The following SH2B3 variants were observed in gnomAD, a reference collection of about 807,000 sequenced individuals.
The protein encoded by SH2B3 is SH2B adaptor protein 3.
In SH2B3, 43 loss-of-function variants were observed where a neutral mutation model predicts 51.9. The ratio of observed to expected loss-of-function variants is 0.83; its 90% confidence interval spans 0.65 to 1.07. The LOEUF is 1.07. SH2B3 is among the 50% of genes least tolerant of loss of function. The probability of loss-of-function intolerance (pLI) is 0.00; values close to 1 mark genes in which losing one functional copy is unlikely to be tolerated. For synonymous variants in SH2B3, 396 were observed against 376.0 expected (o/e 1.05, Z -0.62); for missense variants, 952 against 834.3 (o/e 1.14, Z -1.74).
chr12:111,418,796 G>C lies in SH2B3; in HGVS notation c.651G>C (p.Trp217Cys). ...CCTCCATGGACAGCGGGGCACGCTG[G>C]CAGCGCGGGAGGCTGGCGCTGCGCC... ...DEASMDSGAR[W>C]QRGRLALRRA... is the part of the protein sequence containing the mutation. Residue 217 changes from tryptophan to cysteine, a missense_variant, in exon 2 of 8, where the codon TGG (tryptophan) becomes TGC (cysteine). Physicochemically the swap from Trp to Cys is radical, Grantham distance 215. Coordinates refer to ENST00000341259, the MANE Select transcript of SH2B3 (RefSeq NM_005475.3). This position sits in a 1 kb window ranked among gnomAD's most constrained non-coding sequence, Gnocchi z 6.7. 1 of 1,453,740 alleles carries C rather than the reference G, an allele frequency of 6.9e-7. No individual in the cohort carries two copies. Among genetic ancestry groups the C allele is most frequent in the Non-Finnish European group, 9.0e-7 (1 of 1,113,572 alleles). The allele number at this position is 1,453,740 out of a possible 1,614,324, so 90.1% of individuals were successfully genotyped here.
intron 2 of SH2B3, among the ~76,000 whole-genome samples, chr12:111,433,193 A>C (rs1872616105): frequency 6.6e-6 from 1 of 152,158 alleles, no homozygotes; most frequent in Admixed American, 6.6e-5. Flanking sequence ...CTCTACTAAA[A>C]ATCAAAAATT....
upstream of SH2B3, among the ~76,000 whole-genome samples, chr12:111,405,195 C>T (rs1229656719): frequency 3.9e-5 from 6 of 152,164 alleles, no homozygotes; most frequent in Admixed American, 3.9e-4. The surrounding 1 kb of genome is among the most constrained non-coding windows in gnomAD (Gnocchi z 5.4). Flanking sequence ...AGAGGGCTTC[C>T]TGGAGAAAGA....
At position 111,418,046 on chromosome 12, in the gene SH2B3, G is replaced by C. The variant is rs1871208232; in HGVS notation, c.-27-73G>C. On this transcript the variant is annotated intron_variant, in intron 1 of 7. Transcript: ENST00000341259. The surrounding 1 kb of genome is among the most constrained non-coding windows in gnomAD (Gnocchi z 6.7). The stretch of plus-strand genomic sequence containing the variant: ...CGTTGGATTTCTGCTGTGGTGCCCG[G>C]TGTGTAATGGGGCCTACACCTGCTT... 8.8e-7 allele frequency: 1 copy of C among 1,134,136 alleles called. No individual in the cohort carries two copies. Among genetic ancestry groups the C allele is most frequent in the Non-Finnish European group, 1.2e-6 (1 of 827,686 alleles). The allele number at this position is 1,134,136 out of a possible 1,614,324, so 70.3% of individuals were successfully genotyped here. A position where few individuals can be genotyped will look rare whatever the true frequency, so the allele number is the denominator to read the frequency against.
At chr12:111,439,705 G>A (rs1441724299) in intron 2 of SH2B3, among the ~76,000 whole-genome samples, 4 of 152,222 alleles carry the variant, frequency 2.6e-5, no homozygotes, top group Admixed American at 2.6e-4. Flanking sequence ...GGGGAGTTTT[G>A]AGCAGAGGAG....
intron 2 of SH2B3, among the ~76,000 whole-genome samples, chr12:111,421,965 C>T (rs1871597467): frequency 6.6e-6 from 1 of 152,242 alleles, no homozygotes; most frequent in Non-Finnish European, 1.5e-5. Flanking sequence ...AGAGAAATTG[C>T]CAGACTTTTC....
At chr12:111,415,592 AT>A (rs1871020805) in intron 1 of SH2B3, among the ~76,000 whole-genome samples, 1 of 127,362 alleles carries the variant, frequency 7.9e-6, no homozygotes, top group Non-Finnish European at 1.7e-5. Flanking sequence ...TTTTATATTT[AT>A]TTTTGTTTTT....
In SH2B3 at chr12:111,447,191, A is replaced by C; in HGVS notation, c.993A>C (p.Pro331=). The change falls in exon 5 of 8, where the codon CCA becomes CCC. Residue 331 remains proline, a synonymous_variant. Coordinates refer to ENST00000341259, the MANE Select transcript of SH2B3 (RefSeq NM_005475.3). ...SALEPSTSSS[P]RGSTDSLNQG... ...TAGAGCCTAGCACGTCCAGCTCCCC[A>C]AGGGGCAGCACAGATTCCCTTAACC... 6.2e-7 allele frequency: 1 copy of C among 1,613,614 alleles called. No homozygotes were observed. Among genetic ancestry groups the C allele is most frequent in the Non-Finnish European group, 8.5e-7 (1 of 1,179,510 alleles).
intron 2 of SH2B3, among the ~76,000 whole-genome samples, chr12:111,446,331 G>A (rs1397839817): frequency 3.9e-5 from 6 of 152,246 alleles, no homozygotes; most frequent in Non-Finnish European, 5.9e-5. Flanking sequence ...CCAAGATTTT[G>A]TGGTTTTACA....
chr12:111,432,883 A>C, intron 2 of SH2B3, among the ~76,000 whole-genome samples: 1 of 152,206 alleles, frequency 6.6e-6, no homozygotes, highest in East Asian at 1.9e-4. Flanking sequence ...TGGACTTGCC[A>C]CATTTTGCTT....
intron 2 of SH2B3, among the ~76,000 whole-genome samples, chr12:111,422,758 C>T (rs181091216): frequency 7.9e-5 from 12 of 152,018 alleles, no homozygotes; most frequent in Admixed American, 5.9e-4. Context: ...GATGGGTTTT[C>T]GCCATGTTGG....
Position 111,447,346 on chromosome 12 carries a change from G to A in SH2B3, c.1038G>A (p.Gly346=). Residue 346 remains glycine (G), a synonymous_variant, in exon 6 of 8, where the codon GGG becomes GGA. Transcript: ENST00000341259. ...ATCTAACAGGTGCTTCTCCTGGGGG[G>A]CTGCTGGACCCGGCCTGCCAGAAGA... is the stretch of plus-strand genomic sequence containing the variant. ...DSLNQGASPG[G]LLDPACQKTD... is the part of the protein sequence containing the mutation. 3 of 1,613,822 alleles carry A rather than the reference G, an allele frequency of 1.9e-6. No individual in the cohort carries two copies. The highest frequency in any genetic ancestry group is 2.2e-5 in the East Asian group (1 of 44,882).
intron 2 of SH2B3, among the ~76,000 whole-genome samples, chr12:111,421,401 C>CTTTTT (rs550860498): frequency 1.1e-5 from 1 of 90,640 alleles, no homozygotes; most frequent in African/African-American, 5.3e-5. Flanking sequence ...TAGTGTCTTC[C>CTTTTT]TTTTTTTTTT....
At chr12:111,437,830 G>T (rs1397785872) in intron 2 of SH2B3, among the ~76,000 whole-genome samples, 1 of 152,134 alleles carries the variant, frequency 6.6e-6, no homozygotes, top group African/African-American at 2.4e-5. Flanking sequence ...GAGAGCTTGG[G>T]GGTCCCAGGT....
intron 2 of SH2B3, among the ~76,000 whole-genome samples, chr12:111,441,360 T>TAAAA (rs35496164): frequency 2.2e-5 from 3 of 136,810 alleles, no homozygotes; most frequent in African/African-American, 2.7e-5. Flanking sequence ...CCCTATCTCT[T>TAAAA]AAAAAAAAAA....
chr12:111,429,115 C>T lies in SH2B3; in HGVS notation c.732+10238C>T, dbSNP rs374108864. Among the ~76,000 whole-genome samples, 10 of 152,170 alleles carry T rather than the reference C, an allele frequency of 6.6e-5. No individual in the cohort carries two copies. The East Asian group carries it at 1.5e-3, about 24-fold the overall frequency. On this transcript the variant is annotated intron_variant, in intron 2 of 7. Transcript: ENST00000341259. The surrounding 1 kb of genome is among the most constrained non-coding windows in gnomAD (Gnocchi z 4.4). ...GGGCTCTGACAGGCGCGGCCCTGGC[C>T]TGCCCCTGCCCTTCTGAGCCTGTGA... is the stretch of plus-strand genomic sequence containing the variant.
In SH2B3 at chr12:111,448,487, T is replaced by C. The variant is rs1024671375; in HGVS notation, c.*185T>C. 1 of 595,010 alleles carries C rather than the reference T, an allele frequency of 1.7e-6. No homozygotes were observed. Among genetic ancestry groups the C allele is most frequent in the African/African-American group, 1.9e-5 (1 of 53,878 alleles). 36.9% of individuals were successfully genotyped at this position (595,010 alleles called of 1,614,324 possible). On this transcript the variant is annotated 3_prime_UTR_variant, in exon 8 of 8. Transcript: ENST00000341259. ...TTGAAGGGCCCTCCTGTAGGTTTCA[T>C]CTATCCACCTGGCTTTCTCCTTATT...
chr12:111,444,362 A>G (rs1165086811), intron 2 of SH2B3, among the ~76,000 whole-genome samples: 1 of 152,212 alleles, frequency 6.6e-6, no homozygotes, highest in African/African-American at 2.4e-5. Context: ...AAAGAAATAG[A>G]TTATTCCCAC....
rs754835491 is a variant in SH2B3 at position 111,448,229 on chromosome 12, A to G, written c.1655A>G (p.Asp552Gly). ...CATGAGCCTGTGAATCGAGCCCGGG[A>G]CTCGGACTACGAAATGGACTCATCC... Reference protein sequence around the residue: ...LEHEPVNRARDSDYEMDSSSR... With the variant: ...LEHEPVNRARGSDYEMDSSSR... Residue 552 changes from aspartate to glycine, a missense_variant, in exon 8 of 8, where the codon GAC (aspartate) becomes GGC (glycine). Coordinates refer to ENST00000341259, the MANE Select transcript of SH2B3 (RefSeq NM_005475.3). 4 of 1,614,044 alleles carry G rather than the reference A, an allele frequency of 2.5e-6. No individual in the cohort carries two copies. Among genetic ancestry groups the G allele is most frequent in the Non-Finnish European group, 3.4e-6 (4 of 1,180,008 alleles).
Position 111,411,542 on chromosome 12 carries a change from G to A in SH2B3, c.-28+5265G>A, listed in dbSNP as rs566303082. Among the ~76,000 whole-genome samples, 46 of 152,260 alleles carry A rather than the reference G, an allele frequency of 3.0e-4. 1 individual carries two copies. Among genetic ancestry groups the A allele is most frequent in the Admixed American group, 2.4e-3 (36 of 15,284 alleles). On this transcript the variant is annotated intron_variant, in intron 1 of 7. Coordinates refer to ENST00000341259, the MANE Select transcript of SH2B3 (RefSeq NM_005475.3). ...CTGATCTCAGCGGGGCATGGATTAA[G>A]GGGACCCCACAGCTCAGCCAGGTTC...
Sources: allele counts gnomAD v4.1 joint callset (sites outside exome capture counted in the v4.1 genomes callset), GRCh38; gene constraint gnomAD v4.1.1; non-coding constraint Gnocchi (gnomAD v3.1); transcripts MANE v1.5; gene names NCBI Gene and HGNC (gene_info 2026-07-23, HGNC 2026-07-21).